The following CHD6 variants were observed in gnomAD, a reference collection of about 807,000 sequenced individuals.
CHD6 encodes chromodomain helicase DNA binding protein 6, also known as ATP-dependent chromatin remodeler CHD6.
In CHD6, 50 loss-of-function variants were observed where a neutral mutation model predicts 276.9. The observed-to-expected ratio is 0.18, with a 90% CI of 0.14 to 0.23. CHD6 has a LOEUF of 0.23. CHD6 is among the 10% of genes least tolerant of loss of function. The pLI, the probability that CHD6 is intolerant of heterozygous loss-of-function variation, is 1.00. For missense variants in CHD6, 2,564 were observed against 3,365.8 expected, an observed-to-expected ratio of 0.76 and a Z score of 5.89; for synonymous variants, 1,173 against 1,229.3, an observed-to-expected ratio of 0.95 and a Z score of 0.96.
intron 1 of CHD6, among the ~76,000 whole-genome samples, chr20:41,563,104 A>G (rs1186751608): frequency 6.6e-6 from 1 of 152,210 alleles, no homozygotes; most frequent in Admixed American, 6.5e-5. Context: ...AAGCTCTGTT[A>G]CCCTGCATGT....
chr20:41,515,860 CT>C, intron 3 of CHD6, among the ~76,000 whole-genome samples: 1 of 152,138 alleles, frequency 6.6e-6, no homozygotes, highest in East Asian at 1.9e-4. Context: ...TAGTCTTATG[CT>C]TTATGCATAG....
In CHD6 at chr20:41,404,065, G is replaced by C. The variant is rs2046601679; in HGVS notation, c.*528C>G. ...TTTCAACCATTAGTTATATACTTCT[G>C]TCTATACTACTCACTTAGTAATCAT... is the stretch of plus-strand genomic sequence containing the variant. On this transcript the variant is annotated 3_prime_UTR_variant, in exon 37 of 37. Coordinates refer to ENST00000373233, the MANE Select transcript of CHD6 (RefSeq NM_032221.5). The C allele has an allele frequency of 9.6e-7, 1 of 1,046,558 alleles. No individual in the cohort carries two copies. Among genetic ancestry groups the C allele is most frequent in the Non-Finnish European group, 1.2e-6 (1 of 866,294 alleles). The allele number at this position is 1,046,558 out of a possible 1,614,324, so 64.8% of individuals were successfully genotyped here. A position where few individuals can be genotyped will look rare whatever the true frequency, so the allele number is the denominator to read the frequency against.
chr20:41,596,197 G>C (rs2045716070), intron 1 of CHD6, among the ~76,000 whole-genome samples: 1 of 152,096 alleles, frequency 6.6e-6, no homozygotes, highest in Admixed American at 6.5e-5. Flanking sequence ...ATGCCACAGG[G>C]ACACTCACAA....
At chr20:41,442,184 A>C (rs767205156) in intron 25 of CHD6, among the ~76,000 whole-genome samples, 63 of 152,242 alleles carry the variant, frequency 4.1e-4, no homozygotes, top group Admixed American at 1.1e-3. Context: ...TCATGCCTGT[A>C]ATACCAGCAC....
chr20:41,612,430 C>T (rs915419572), intron 1 of CHD6, among the ~76,000 whole-genome samples: 4 of 152,152 alleles, frequency 2.6e-5, no homozygotes, highest in Admixed American at 2.0e-4. Flanking sequence ...TGATATTATA[C>T]CAGGTTTGCT....
In CHD6 at chr20:41,473,254, C is replaced by T. The variant is rs2043097000; in HGVS notation, c.2664+68G>A. The T allele has an allele frequency of 6.7e-7, 1 of 1,491,208 alleles. No individual in the cohort carries two copies. The highest frequency in any genetic ancestry group is 9.2e-7 in the Non-Finnish European group (1 of 1,085,454). 92.4% of individuals were successfully genotyped at this position (1,491,208 alleles called of 1,614,324 possible). A position where few individuals can be genotyped will look rare whatever the true frequency, so the allele number is the denominator to read the frequency against. On this transcript the variant is annotated intron_variant, in intron 17 of 36. Coordinates refer to ENST00000373233, the MANE Select transcript of CHD6 (RefSeq NM_032221.5). The surrounding 1 kb of genome is among the most constrained non-coding windows in gnomAD (Gnocchi z 4.1). ...GCATCACGGATGCTCTGTAGCCAAG[C>T]CAGGCCCTATCATGATGTTCTGGGA...
At chr20:41,437,069 TAC>T (rs1428435255) in intron 27 of CHD6, among the ~76,000 whole-genome samples, 4 of 152,256 alleles carry the variant, frequency 2.6e-5, no homozygotes, top group South Asian at 2.1e-4. Flanking sequence ...TTCTGAAATA[TAC>T]AGTTATCTCA....
At chr20:41,579,255 GC>G (rs1173590952) in intron 1 of CHD6, among the ~76,000 whole-genome samples, 3 of 147,750 alleles carry the variant, frequency 2.0e-5, no homozygotes, top group Admixed American at 2.0e-4. Flanking sequence ...ACCAACAGTG[GC>G]GGGAAACCCC....
chr20:41,417,494 T>A (rs1213279470), intron 31 of CHD6, 145 bp from the exon 32 acceptor site: 6 of 696,446 alleles, frequency 8.6e-6, no homozygotes, highest in Non-Finnish European at 1.3e-5. Flanking sequence ...AATTATGATA[T>A]CTTCTATTTC....
At chr20:41,574,739 C>T (rs1478085807) in intron 1 of CHD6, among the ~76,000 whole-genome samples, 1 of 151,994 alleles carries the variant, frequency 6.6e-6, no homozygotes, top group Non-Finnish European at 1.5e-5. Context: ...CTTGTAAGCC[C>T]TTAAGAAATA....
intron 2 of CHD6, 57 bp downstream of exon 2, chr20:41,551,248 T>A (rs1412546791): frequency 8.6e-7 from 1 of 1,167,230 alleles, no homozygotes; most frequent in South Asian, 1.3e-5. Flanking sequence ...TCTCCCCTTG[T>A]TGAAAAAGCA....
Position 41,483,518 on chromosome 20 carries a change from T to G in CHD6, c.2259A>C (p.Gly753=). The stretch of plus-strand genomic sequence containing the variant: ...AATCTTCTAGAATTTTCTCCTCTGC[T>G]CCTGAAAAGGAATGGAACAAAACTA... The part of the protein sequence containing the change: ...KCCNHPYLIN[G]AEEKILEDFR... Residue 753 remains glycine (G), a splice_region_variant and synonymous_variant, in exon 16 of 37, where the codon GGA becomes GGC. Transcript: ENST00000373233. 4 of 1,608,236 alleles carry G rather than the reference T, an allele frequency of 2.5e-6. No homozygotes were observed. Among genetic ancestry groups the G allele is most frequent in the African/African-American group, 1.3e-5 (1 of 74,854 alleles).
chr20:41,578,077 T>C (rs2045493505), intron 1 of CHD6, among the ~76,000 whole-genome samples: 1 of 152,218 alleles, frequency 6.6e-6, no homozygotes, highest in African/African-American at 2.4e-5. Flanking sequence ...ATGACCTATA[T>C]GGATTTCAGT....
chr20:41,605,977 A>AT (rs2045823328), intron 1 of CHD6, among the ~76,000 whole-genome samples: 2 of 152,250 alleles, frequency 1.3e-5, no homozygotes, highest in South Asian at 4.1e-4. Context: ...CCATGCACCC[A>AT]TGAGGACCAC....
At chr20:41,416,892 C>A in intron 32 of CHD6, 98 bp from the exon 33 acceptor site, 1 of 1,064,600 alleles carries the variant, frequency 9.4e-7, no homozygotes, top group Non-Finnish European at 1.3e-6. Context: ...CAGAAGGAGT[C>A]GATAAGAAAA....
intron 25 of CHD6, 63 bp downstream of exon 25, chr20:41,445,602 G>T: frequency 9.6e-7 from 1 of 1,042,486 alleles, no homozygotes; most frequent in Non-Finnish European, 1.5e-6. Context: ...AGTTGGAGGG[G>T]CTGAACTCAT....
chr20:41,598,692 G>C (rs985587896), intron 1 of CHD6, among the ~76,000 whole-genome samples: 1 of 152,124 alleles, frequency 6.6e-6, no homozygotes, highest in Admixed American at 6.5e-5. Flanking sequence ...ATTTCACCTC[G>C]TGTCTCTCAC....
At chr20:41,460,206 T>C (rs2048500858) in intron 17 of CHD6, among the ~76,000 whole-genome samples, 1 of 152,258 alleles carries the variant, frequency 6.6e-6, no homozygotes, top group South Asian at 2.1e-4. Flanking sequence ...ACTTAGGTTC[T>C]GTTAAAAACA....
intron 5 of CHD6, among the ~76,000 whole-genome samples, chr20:41,507,475 GT>G (rs1370700631): frequency 1.3e-5 from 2 of 152,044 alleles, no homozygotes; most frequent in Non-Finnish European, 1.5e-5. Flanking sequence ...TGGAAAACGG[GT>G]TTTTATTTTA....
Sources: gnomAD v4.1 joint callset for allele counts (sites outside exome capture counted in the v4.1 genomes callset) on GRCh38, gnomAD v4.1.1 for gene constraint, Gnocchi (gnomAD v3.1) non-coding constraint, MANE v1.5 for transcripts, NCBI Gene and HGNC (gene_info 2026-07-23, HGNC 2026-07-21) for gene names.